Variants in FZD3 observed in about 807,000 individuals in gnomAD.
FZD3 encodes the protein frizzled-3.
A neutral mutation model predicts 60.7 loss-of-function variants in FZD3; 30 were observed. That is an observed-to-expected ratio of 0.49 (90% confidence interval 0.37 to 0.67). The LOEUF (loss-of-function observed/expected upper bound fraction) is 0.67, where lower values mean the gene tolerates loss of function less well. FZD3 is among the 30% of genes least tolerant of loss of function. The pLI is 0.00. For synonymous variants in FZD3, 246 were observed against 275.2 expected (o/e 0.89, Z 1.05); for missense variants, 605 against 838.7 (o/e 0.72, Z 3.44).
chr8:28,541,148 T>C (rs1805156446), intron 5 of FZD3, among the ~76,000 whole-genome samples: 1 of 151,850 alleles, frequency 6.6e-6, no homozygotes, highest in African/African-American at 2.4e-5. Context: ...CTCCTTCTTC[T>C]TTGTTCTTCA....
intron 5 of FZD3, among the ~76,000 whole-genome samples, chr8:28,537,164 G>T (rs1221283705): frequency 1.3e-5 from 2 of 152,098 alleles, no homozygotes; most frequent in Non-Finnish European, 2.9e-5. Context: ...TGTTTTGCCA[G>T]AAAATATTAC....
At chr8:28,498,692 C>T (rs1405508971) in intron 1 of FZD3, among the ~76,000 whole-genome samples, 1 of 152,086 alleles carries the variant, frequency 6.6e-6, no homozygotes, top group African/African-American at 2.4e-5. Context: ...ATTCTCAAGC[C>T]CCTCCTGAAT....
chr8:28,503,022 G>C lies in FZD3; in HGVS notation c.9G>C (p.Met3Ile). The C allele has an allele frequency of 6.2e-7, 1 of 1,612,232 alleles. No homozygotes were observed. Among genetic ancestry groups the C allele is most frequent in the Non-Finnish European group, 8.5e-7 (1 of 1,178,688 alleles). MA[M>I]TWIVFSLWPL... ...CTTCAGACCCAGGAAGGATGGCTAT[G>C]ACTTGGATTGTCTTCTCTCTTTGGC... is the stretch of plus-strand genomic sequence containing the variant. The change falls in exon 3 of 8, where the codon ATG becomes ATC. Residue 3 changes from methionine (M) to isoleucine (I), a missense_variant. By Grantham distance (10) the Met-to-Ile change is conservative. Coordinates refer to ENST00000240093, the MANE Select transcript of FZD3 (RefSeq NM_017412.4).
chr8:28,501,044 G>A (rs754118040), intron 2 of FZD3, among the ~76,000 whole-genome samples: 19 of 152,208 alleles, frequency 1.2e-4, no homozygotes, highest in Non-Finnish European at 2.5e-4. Context: ...ACAAGCGTGA[G>A]CCACTGCGCC....
chr8:28,529,653 A>G (rs568580618), intron 5 of FZD3, among the ~76,000 whole-genome samples: 1 of 152,286 alleles, frequency 6.6e-6, no homozygotes, highest in East Asian at 1.9e-4. Context: ...TTTCCCTTTT[A>G]TTTTGGTATA....
In FZD3 at chr8:28,502,084, T is replaced by G. The variant is rs148494682; in HGVS notation, c.-344-586T>G. On this transcript the variant is annotated intron_variant, in intron 2 of 7. Transcript: ENST00000240093. ...TCTTATGATTCACTCATATCATCCC[T>G]GTGAGCTAGGTGGTATTGGAATCAT... Among the ~76,000 whole-genome samples the G allele has an allele frequency of 8.5e-4, 129 of 152,284 alleles. 1 individual carries two copies. The highest frequency in any genetic ancestry group is 2.9e-3 in the African/African-American group (120 of 41,568).
chr8:28,538,145 T>C (rs1480240047), intron 5 of FZD3, among the ~76,000 whole-genome samples: 2 of 150,404 alleles, frequency 1.3e-5, no homozygotes, highest in Non-Finnish European at 3.0e-5. Context: ...ATAATAATAA[T>C]AATTCAATAT....
At chr8:28,519,121 A>G (rs968241104) in intron 3 of FZD3, among the ~76,000 whole-genome samples, 5 of 152,178 alleles carry the variant, frequency 3.3e-5, no homozygotes, top group Non-Finnish European at 7.3e-5. Flanking sequence ...TGTATTATGT[A>G]TAGGAGGCTC....
intron 5 of FZD3, among the ~76,000 whole-genome samples, chr8:28,534,330 TA>T (rs1804956072): frequency 6.6e-6 from 1 of 152,212 alleles, no homozygotes; most frequent in Non-Finnish European, 1.5e-5. Context: ...CCATTTCCAG[TA>T]ACTTTTTCAT....
At chr8:28,546,805 C>T (rs1453392066) in intron 5 of FZD3, among the ~76,000 whole-genome samples, 1 of 152,006 alleles carries the variant, frequency 6.6e-6, no homozygotes, top group Non-Finnish European at 1.5e-5. Flanking sequence ...GAAACCCCGT[C>T]TCTACTAAAA....
intron 2 of FZD3, among the ~76,000 whole-genome samples, chr8:28,501,640 G>A (rs548579337): frequency 4.1e-4 from 63 of 152,016 alleles, no homozygotes; most frequent in Admixed American, 2.0e-3. Flanking sequence ...TTTCATACCA[G>A]ACCTGCCTTC....
chr8:28,511,044 A>T (rs1804274211), intron 3 of FZD3, among the ~76,000 whole-genome samples: 1 of 151,356 alleles, frequency 6.6e-6, no homozygotes, highest in East Asian at 2.0e-4. Context: ...CTCAAAAATA[A>T]ATTAATTAAA....
intron 4 of FZD3, among the ~76,000 whole-genome samples, chr8:28,522,339 A>G (rs1804603601): frequency 6.6e-6 from 1 of 151,638 alleles, no homozygotes; most frequent in Admixed American, 6.6e-5. Flanking sequence ...CACAGTTTAC[A>G]AGAACCTATC....
chr8:28,558,431 T>A (rs1563407254), intron 7 of FZD3, among the ~76,000 whole-genome samples: 1 of 105,866 alleles, frequency 9.4e-6, no homozygotes, highest in Non-Finnish European at 1.9e-5. Flanking sequence ...TTCTTTTATT[T>A]ATTTATTTTT....
At chr8:28,506,353 A>C (rs1804140584) in intron 3 of FZD3, among the ~76,000 whole-genome samples, 1 of 152,236 alleles carries the variant, frequency 6.6e-6, no homozygotes, top group East Asian at 1.9e-4. Context: ...AATAGGAAGT[A>C]AATTTTTTTC....
At chr8:28,504,366 A>C (rs567640664) in intron 3 of FZD3, among the ~76,000 whole-genome samples, 1 of 152,222 alleles carries the variant, frequency 6.6e-6, no homozygotes, top group Non-Finnish European at 1.5e-5. Flanking sequence ...GGTTTAATAC[A>C]GTAAGTTGGT....
intron 1 of FZD3, among the ~76,000 whole-genome samples, chr8:28,497,998 A>G (rs1803887592): frequency 6.6e-6 from 1 of 152,248 alleles, no homozygotes; most frequent in African/African-American, 2.4e-5. Context: ...AAGAAACCTG[A>G]TAAATAATGG....
chr8:28,559,760 C>T (rs1177231283), intron 7 of FZD3, among the ~76,000 whole-genome samples: 1 of 152,158 alleles, frequency 6.6e-6, no homozygotes, highest in African/African-American at 2.4e-5. Context: ...TTTCCTTCTG[C>T]TTCAGTCAGT....
rs1232769950 is a variant in FZD3 at position 28,570,743 on chromosome 8, G to A, written c.*7732G>A. The A allele has an allele frequency of 6.6e-6, 1 of 151,642 alleles. No homozygotes were observed. The highest frequency in any genetic ancestry group is 1.9e-4 in the East Asian group (1 of 5,144). 9.4% of individuals were successfully genotyped at this position (151,642 alleles called of 1,614,324 possible). ...GGCCAAGGAAGTTCCTGTTACCTTTGAAAATCATTGTGTTTGCTCTGATTG... is the reference window on the plus strand; with the variant it reads ...GGCCAAGGAAGTTCCTGTTACCTTTAAAAATCATTGTGTTTGCTCTGATTG... On this transcript the variant is annotated 3_prime_UTR_variant, in exon 8 of 8. Transcript: ENST00000240093.
Sources: gnomAD v4.1 joint callset for allele counts (sites outside exome capture counted in the v4.1 genomes callset) on GRCh38, gnomAD v4.1.1 for gene constraint, MANE v1.5 for transcripts, NCBI Gene and HGNC (gene_info 2026-07-23, HGNC 2026-07-21) for gene names.